BCAR3: variants seen among roughly 807,000 people sequenced by gnomAD.
BCAR3 encodes the protein breast cancer anti-estrogen resistance protein 3.
BCAR3 carries 37 observed loss-of-function variants against 80.1 expected under a neutral mutation model. The ratio of observed to expected loss-of-function variants is 0.46; its 90% CI spans 0.36 to 0.61. The LOEUF (loss-of-function observed/expected upper bound fraction) is 0.61. BCAR3 is among the 20% of genes least tolerant of loss of function. The probability of loss-of-function intolerance (pLI) is 0.00; values close to 1 mark genes in which losing one functional copy is unlikely to be tolerated. For synonymous variants in BCAR3, 389 were observed against 418.9 expected (o/e 0.93, Z 0.87); for missense variants, 978 against 1,068.2 (o/e 0.92, Z 1.18).
In BCAR3 at chr1:93,758,495, AAAAC is replaced by A. The variant is rs1651821965; in HGVS notation, c.-62-52357_-62-52354del. Among the ~76,000 whole-genome samples the A allele has an allele frequency of 3.3e-5, 5 of 152,358 alleles. No individual in the cohort carries two copies. In the South Asian group the frequency reaches 1.0e-3, roughly 32 times the overall value. On this transcript the variant is annotated intron_variant, in intron 2 of 13. Coordinates refer to the BCAR3 transcript ENST00000370244. ...CAGTGCAGACAAAGAGTTGGTCTGG[AAAAC>A]ACCCCTAATCGGGAGCCAGTTCTAT... is the stretch of plus-strand genomic sequence containing the variant.
chr1:93,714,272 C>T lies in BCAR3; in HGVS notation c.-62-8130G>A, dbSNP rs544789277. ...CTGGGATTACGGGCGTGAGCCACCG[C>T]GCCCGGCCCCATCATACTTTTATTA... On this transcript the variant is annotated intron_variant, in intron 2 of 13. Coordinates refer to the BCAR3 transcript ENST00000370244. 9.8e-5 allele frequency among the ~76,000 whole-genome samples: 15 copies of T among 152,328 alleles called. No homozygotes were observed. In the South Asian group the frequency reaches 1.0e-3, roughly 11 times the overall value.
chr1:93,591,168 TAAAAAAAAAAAAA>T (rs35143036), intron 4 of BCAR3, among the ~76,000 whole-genome samples: 3 of 66,344 alleles, frequency 4.5e-5, no homozygotes, highest in Non-Finnish European at 7.9e-5. Context: ...TCTACTACAT[TAAAAAAAAAAAAA>T]AAAAAAAAAA....
intron 2 of BCAR3, among the ~76,000 whole-genome samples, chr1:93,812,722 T>C (rs1653890735): frequency 6.6e-6 from 1 of 152,192 alleles, no homozygotes; most frequent in Admixed American, 6.5e-5. Context: ...CTCACAGGCA[T>C]TACCCCTCCA....
intron 1 of BCAR3, among the ~76,000 whole-genome samples, chr1:93,675,348 C>T: frequency 6.6e-6 from 1 of 152,216 alleles, no homozygotes; most frequent in Non-Finnish European, 1.5e-5. Flanking sequence ...TAAGAACAGG[C>T]AGGGATTATT....
intron 2 of BCAR3, among the ~76,000 whole-genome samples, chr1:93,784,632 A>G (rs1285403084): frequency 6.6e-6 from 1 of 152,228 alleles, no homozygotes; most frequent in Non-Finnish European, 1.5e-5. Context: ...GGCTTGATGA[A>G]GACTGCGCAG....
intron 3 of BCAR3, among the ~76,000 whole-genome samples, chr1:93,698,008 CAAAG>C (rs1453327105): frequency 1.3e-5 from 2 of 152,022 alleles, no homozygotes; most frequent in African/African-American, 2.4e-5. Context: ...AAAAACAAAA[CAAAG>C]AGAGGGCTAG....
At chr1:93,641,374 G>T (rs1270315705) in intron 3 of BCAR3, among the ~76,000 whole-genome samples, 1 of 152,168 alleles carries the variant, frequency 6.6e-6, no homozygotes, top group East Asian at 1.9e-4. Context: ...TTGGGATAGC[G>T]AAGGTGGAAT....
At chr1:93,596,913 G>A (rs1371340158) in intron 3 of BCAR3, among the ~76,000 whole-genome samples, 1 of 152,178 alleles carries the variant, frequency 6.6e-6, no homozygotes, top group African/African-American at 2.4e-5. Context: ...TCAGCCTCCA[G>A]AGGAAGGGAT....
At chr1:93,706,899 G>A (rs1649843647) in intron 2 of BCAR3, among the ~76,000 whole-genome samples, 3 of 152,164 alleles carry the variant, frequency 2.0e-5, no homozygotes, top group South Asian at 4.1e-4. Flanking sequence ...AGTTTAGGCC[G>A]GGCGCAGGGG....
chr1:93,683,779 G>A (rs568590503), upstream of BCAR3, among the ~76,000 whole-genome samples: 144 of 152,252 alleles, frequency 9.5e-4, no homozygotes, highest in African/African-American at 3.3e-3. Flanking sequence ...ATTGAGCTGT[G>A]GATTATGACA....
chr1:93,826,793 GGTGT>G (rs370559736), intron 2 of BCAR3, among the ~76,000 whole-genome samples: 1 of 151,318 alleles, frequency 6.6e-6, no homozygotes, highest in African/African-American at 2.4e-5. Context: ...GAGAGGTAGG[GGTGT>G]GTGTGTGTGT....
intron 2 of BCAR3, among the ~76,000 whole-genome samples, chr1:93,797,671 A>G (rs1359441200): frequency 6.6e-6 from 1 of 152,046 alleles, no homozygotes; most frequent in African/African-American, 2.4e-5. Context: ...TATTTTTGAT[A>G]TATTCATTCT....
At chr1:93,707,606 C>T (rs1236197395) in intron 2 of BCAR3, among the ~76,000 whole-genome samples, 2 of 152,080 alleles carry the variant, frequency 1.3e-5, no homozygotes, top group African/African-American at 2.4e-5. Context: ...ACTCAGGAGG[C>T]TGAGGCAGGA....
rs1653574155 is a variant in BCAR3, at chr1:93,803,820, TTA to T, written c.-63+41745_-63+41746del. 3.9e-5 allele frequency among the ~76,000 whole-genome samples: 6 copies of T among 152,292 alleles called. No individual in the cohort carries two copies. The South Asian group carries it at 1.0e-3, about 26-fold the overall frequency. Reference sequence around the variant, plus strand: ...CAGATGGGTACAGGAGGCACAGTATTTATATGTTTTGCAACACAGAAAATGAA... The same window carrying T: ...CAGATGGGTACAGGAGGCACAGTATTTATGTTTTGCAACACAGAAAATGAA... On this transcript the variant is annotated intron_variant, in intron 2 of 13. Transcript: ENST00000370244.
intron 2 of BCAR3, among the ~76,000 whole-genome samples, chr1:93,837,673 T>C (rs1654817461): frequency 6.6e-6 from 1 of 152,238 alleles, no homozygotes; most frequent in South Asian, 2.1e-4. Context: ...CTTCTCTCCC[T>C]TTAACCAGTC....
At chr1:93,733,724 CAT>C (rs1407298324) in intron 2 of BCAR3, among the ~76,000 whole-genome samples, 9 of 152,228 alleles carry the variant, frequency 5.9e-5, no homozygotes, top group African/African-American at 1.7e-4. Context: ...TGTGTGCACA[CAT>C]GTGTATGCAC....
chr1:93,775,586 G>A (rs1652518118), intron 2 of BCAR3: 1 of 152,142 alleles, frequency 6.6e-6, no homozygotes, highest in Non-Finnish European at 1.5e-5. Flanking sequence ...GTTCAAGAAG[G>A]TGCATGGCAG....
chr1:93,834,644 G>A (rs560050669), intron 2 of BCAR3, among the ~76,000 whole-genome samples: 31 of 152,314 alleles, frequency 2.0e-4, no homozygotes, highest in Non-Finnish European at 4.0e-4. Context: ...GGCAGCTGCC[G>A]CTGCTTTAAT....
intron 5 of BCAR3, 128 bp from the exon 6 acceptor site, chr1:93,584,249 A>G (rs1191348709): frequency 2.7e-6 from 2 of 746,324 alleles, no homozygotes; most frequent in Non-Finnish European, 4.3e-6. Context: ...GTGCTACAGC[A>G]TACCCTAAAA....
Sources: allele counts gnomAD v4.1 joint callset (sites outside exome capture counted in the v4.1 genomes callset), GRCh38; gene constraint gnomAD v4.1.1; transcripts MANE v1.5; gene names NCBI Gene and HGNC (gene_info 2026-07-23, HGNC 2026-07-21).